The following MAP3K19 variants were observed in gnomAD, a reference collection of about 807,000 sequenced individuals.
The protein encoded by MAP3K19 is SPS1/STE20-related protein kinase YSK4.
MAP3K19 carries 91 observed loss-of-function variants against 114.4 expected under a neutral mutation model. The ratio of observed to expected loss-of-function variants is 0.80; its 90% CI spans 0.67 to 0.95. The LOEUF (loss-of-function observed/expected upper bound fraction) is 0.95. Ranked by LOEUF, MAP3K19 falls within the 40% of genes least tolerant of loss-of-function variation. The pLI is 0.00. For missense variants in MAP3K19, 1,471 were observed against 1,573.2 expected (o/e 0.94, Z 1.10); for synonymous variants, 518 against 530.5 (o/e 0.98, Z 0.32).
chr2:134,968,013 G>A (rs751798821), intron 12 of MAP3K19, among the ~76,000 whole-genome samples: 17 of 152,086 alleles, frequency 1.1e-4, no homozygotes, highest in South Asian at 2.1e-4. Flanking sequence ...GCGGCCTTCC[G>A]CAGTGTTTGT....
chr2:135,041,806 T>C (rs139883500), intron 1 of MAP3K19, among the ~76,000 whole-genome samples: 2 of 152,276 alleles, frequency 1.3e-5, no homozygotes, highest in Non-Finnish European at 2.9e-5. Flanking sequence ...CATTTCATAG[T>C]ATAAGTTTGT....
At chr2:135,023,106 A>G (rs1688091305) in intron 4 of MAP3K19, 1 of 186,680 alleles carries the variant, frequency 5.4e-6, no homozygotes, top group Admixed American at 5.6e-5. Context: ...TGAACAAGTG[A>G]TCTATACCCA....
Position 134,987,732 on chromosome 2 carries a change from A to G in MAP3K19, c.1140T>C (p.Tyr380=), listed in dbSNP as rs146518035. 6.2e-7 allele frequency: 1 copy of G among 1,610,872 alleles called. No individual in the cohort carries two copies. Among genetic ancestry groups the G allele is most frequent in the South Asian group, 1.1e-5 (1 of 91,060 alleles). The change falls in exon 10 of 13, where the codon TAT becomes TAC. Residue 380 remains tyrosine (Y), a synonymous_variant. Coordinates refer to ENST00000392915, the MANE Select transcript of MAP3K19 (RefSeq NM_025052.5). ...RKNESSVAKN[Y]EQDPEIVCTI... is the part of the protein sequence containing the mutation. ...TACATACTATTTCTGGATCTTGTTC[A>G]TAGTTTTTGGCTACTGAACTCTCAT...
chr2:135,009,118 ATTTTTTT>A (rs59038927), intron 5 of MAP3K19, among the ~76,000 whole-genome samples: 2 of 136,714 alleles, frequency 1.5e-5, no homozygotes, highest in Non-Finnish European at 3.2e-5. Flanking sequence ...TGCCTGGCTA[ATTTTTTT>A]TTTTTTTTTT....
chr2:135,041,492 C>T (rs959768909), intron 1 of MAP3K19, among the ~76,000 whole-genome samples: 3 of 152,086 alleles, frequency 2.0e-5, no homozygotes, highest in South Asian at 4.1e-4. Flanking sequence ...TGGTGCGCCA[C>T]CATGCCTGGC....
chr2:135,003,808 C>G (rs181891711), intron 6 of MAP3K19, among the ~76,000 whole-genome samples: 60 of 152,328 alleles, frequency 3.9e-4, no homozygotes, highest in African/African-American at 1.4e-3. Flanking sequence ...CCCACCTTGG[C>G]CTCCCAAAGT....
intron 3 of MAP3K19, among the ~76,000 whole-genome samples, chr2:135,025,274 T>TGC (rs1331658220): frequency 6.6e-6 from 1 of 151,934 alleles, no homozygotes; most frequent in Non-Finnish European, 1.5e-5. Context: ...TAGAATCTTC[T>TGC]CTTTAAAATT....
intron 5 of MAP3K19, among the ~76,000 whole-genome samples, chr2:135,010,305 G>A (rs540300788): frequency 7.9e-4 from 121 of 152,284 alleles, no homozygotes; most frequent in African/African-American, 2.6e-3. Flanking sequence ...TACTTTGAAG[G>A]TGATGACGGA....
At chr2:135,012,316 G>A (rs1049536041) in intron 5 of MAP3K19, among the ~76,000 whole-genome samples, 3 of 151,850 alleles carry the variant, frequency 2.0e-5, no homozygotes, top group South Asian at 2.1e-4. Context: ...ACCCCCTAGG[G>A]TGGGAGGGGT....
chr2:134,982,302 G>T (rs575475128), intron 11 of MAP3K19, among the ~76,000 whole-genome samples: 3 of 143,088 alleles, frequency 2.1e-5, no homozygotes, highest in African/African-American at 7.8e-5. Context: ...AAGTATTTTT[G>T]TGGAGACGAG....
intron 2 of MAP3K19, among the ~76,000 whole-genome samples, chr2:135,039,413 T>C (rs1393200431): frequency 1.5e-5 from 2 of 136,106 alleles, no homozygotes; most frequent in African/African-American, 6.4e-5. Flanking sequence ...TGAAACCCCA[T>C]GTCTCCAAAA....
At chr2:135,006,068 C>T (rs192895974) in intron 5 of MAP3K19, among the ~76,000 whole-genome samples, 52 of 152,296 alleles carry the variant, frequency 3.4e-4, no homozygotes, top group African/African-American at 1.1e-3. Context: ...TGGTGCATAA[C>T]CTCTTAAACT....
In MAP3K19 at chr2:134,999,858, CTAA is replaced by C. The variant is rs1301202528; in HGVS notation, c.314+76_314+78del. On this transcript the variant is annotated intron_variant, in intron 7 of 12. Transcript: ENST00000392915. The surrounding 1 kb of genome is among the most constrained non-coding windows in gnomAD (Gnocchi z 4.1). ...TTAAGCATTATTATGGATTCAATTA[CTAA>C]TAATGTAGGTTGCCATATGACTATC... 2 of 920,570 alleles carry C rather than the reference CTAA, an allele frequency of 2.2e-6. No homozygotes were observed. Among genetic ancestry groups the C allele is most frequent in the Non-Finnish European group, 3.6e-6 (2 of 557,946 alleles). 57.0% of individuals were successfully genotyped at this position (920,570 alleles called of 1,614,324 possible). A position where few individuals can be genotyped will look rare whatever the true frequency, so the allele number is the denominator to read the frequency against.
intron 1 of MAP3K19, among the ~76,000 whole-genome samples, chr2:135,046,530 C>A (rs530476745): frequency 1.3e-5 from 2 of 152,312 alleles, no homozygotes; most frequent in African/African-American, 2.4e-5. Context: ...CCCTCCTTGG[C>A]CTCCCAAAGT....
At chr2:135,033,589 G>T (rs1444273194) in intron 2 of MAP3K19, among the ~76,000 whole-genome samples, 14 of 68,856 alleles carry the variant, frequency 2.0e-4, no homozygotes, top group South Asian at 7.5e-4. Context: ...CCCCCCCACC[G>T]CCCTCCCAGA....
chr2:134,966,282 A>T (rs1463873872), intron 12 of MAP3K19, among the ~76,000 whole-genome samples: 1 of 151,950 alleles, frequency 6.6e-6, no homozygotes, highest in East Asian at 1.9e-4. Flanking sequence ...AGGTAGTTCT[A>T]TTTTTAGTTT....
Position 135,008,280 on chromosome 2 carries a change from GC to G in MAP3K19, c.139-2750del, listed in dbSNP as rs1686977506. ...TGAGACTACAGGCACCCGCCACCAT[GC>G]CCGCCTTATTTTTGTATTTTTAGTA... is the stretch of plus-strand genomic sequence containing the variant. On this transcript the variant is annotated intron_variant, in intron 5 of 12. Coordinates refer to ENST00000392915, the MANE Select transcript of MAP3K19 (RefSeq NM_025052.5). Among the ~76,000 whole-genome samples the G allele has an allele frequency of 5.9e-5, 9 of 152,180 alleles. No homozygotes were observed. The South Asian group carries it at 1.9e-3, about 32-fold the overall frequency.
chr2:135,011,286 C>A (rs1043721423), intron 5 of MAP3K19, among the ~76,000 whole-genome samples: 4 of 152,046 alleles, frequency 2.6e-5, no homozygotes, highest in African/African-American at 4.8e-5. Flanking sequence ...GCCTGTTATC[C>A]CAGCACTTTT....
chr2:134,980,168 G>A (rs967329165), intron 12 of MAP3K19, among the ~76,000 whole-genome samples: 10 of 152,120 alleles, frequency 6.6e-5, no homozygotes, highest in African/African-American at 2.4e-4. Context: ...CCCGCCCCAT[G>A]GATACACACT....
Sources: allele counts gnomAD v4.1 joint callset (sites outside exome capture counted in the v4.1 genomes callset), GRCh38; gene constraint gnomAD v4.1.1; non-coding constraint Gnocchi (gnomAD v3.1); transcripts MANE v1.5; gene names NCBI Gene and HGNC (gene_info 2026-07-23, HGNC 2026-07-21).